The following DNAH10 variants were observed in gnomAD, a reference collection of about 807,000 sequenced individuals.
The protein encoded by DNAH10 is dynein axonemal heavy chain 10, also known as axonemal beta dynein heavy chain 10.
A neutral mutation model predicts 506.6 loss-of-function variants in DNAH10; 348 were observed. The observed-to-expected ratio is 0.69, with a 90% CI of 0.63 to 0.75. The LOEUF (loss-of-function observed/expected upper bound fraction) is 0.75. Among genes scored for constraint, DNAH10 ranks in the 30% least tolerant of loss-of-function variants. The pLI is 0.00. For synonymous variants in DNAH10, 2,059 were observed against 2,198.6 expected (o/e 0.94, Z 1.78); for missense variants, 5,179 against 5,787.1 (o/e 0.89, Z 3.41).
rs778771298 is a variant in DNAH10 at position 123,790,057 on chromosome 12, C to T, written c.1751C>T (p.Pro584Leu). The change falls in exon 11 of 79, where the codon CCC (proline) becomes CTC (leucine). Residue 584 changes from proline to leucine, a missense_variant. Pro to Leu is a moderately conservative substitution (Grantham distance 98). Around this residue, in one of 3 missense-constraint regions of DNAH10, gnomAD observed 4,844 missense variants for 5,430.5 expected, o/e 0.89. Transcript: ENST00000673944. ...CCCATGGAAAACCTGACCTTTGACC[C>T]CTTCAGCATCAAGTCCTCCCAGTTC... ...VTPMENLTFD[P>L]FSIKSSQFWK... 40 of 1,613,996 alleles carry T rather than the reference C, an allele frequency of 2.5e-5. No individual in the cohort carries two copies. Among genetic ancestry groups the T allele is most frequent in the Admixed American group, 1.0e-4 (6 of 60,004 alleles).
At chr12:123,888,920 C>T (rs1952856233) in intron 52 of DNAH10, among the ~76,000 whole-genome samples, 1 of 152,188 alleles carries the variant, frequency 6.6e-6, no homozygotes, top group Non-Finnish European at 1.5e-5. Flanking sequence ...CTTTCTTTCC[C>T]AGGGACCTAT....
chr12:123,904,430 T>A (rs1327954667), intron 57 of DNAH10, among the ~76,000 whole-genome samples: 1 of 152,014 alleles, frequency 6.6e-6, no homozygotes, highest in African/African-American at 2.4e-5. Flanking sequence ...CATAAAAACA[T>A]CGTGAAAGCA....
At chr12:123,844,702 G>A (rs60383738) in intron 30 of DNAH10, among the ~76,000 whole-genome samples, 13,506 of 152,078 alleles carry the variant, frequency 0.089, 1,714 homozygotes, top group African/African-American at 0.28. Flanking sequence ...ACAGTGATGC[G>A]AGCTCGGCTC....
At chr12:123,771,555 C>G in intron 2 of DNAH10, 46 bp from the exon 3 acceptor site, 1 of 1,545,352 alleles carries the variant, frequency 6.5e-7, no homozygotes, top group Non-Finnish European at 8.9e-7. Context: ...TGGTAGGAAA[C>G]CTAATTTTCT....
rs760229533 is a variant in DNAH10, at chr12:123,787,815, C to G, written c.1433C>G (p.Ala478Gly). 2 of 1,613,746 alleles carry G rather than the reference C, an allele frequency of 1.2e-6. No homozygotes were observed. Among genetic ancestry groups the G allele is most frequent in the Admixed American group, 1.7e-5 (1 of 59,946 alleles). ...TCTTGGCTTCGCAGAGAAAATCGAG[C>G]GAGTGCCCAAAGCAAAACCTTGGAA... ...NLRTLFKENRASAQSKTLEAR... is the reference protein window; with the variant it reads ...NLRTLFKENRGSAQSKTLEAR... Residue 478 changes from alanine (A) to glycine (G), a missense_variant, in exon 10 of 79, where the codon GCG becomes GGG. Physicochemically the swap from Ala to Gly is moderately conservative, Grantham distance 60. This residue lies in a region of DNAH10 where 4,844 missense variants were observed against 5,430.5 expected (regional missense o/e 0.89). Coordinates refer to ENST00000673944, the MANE Select transcript of DNAH10 (RefSeq NM_001372106.1). This position sits in a 1 kb window ranked among gnomAD's most constrained non-coding sequence, Gnocchi z 4.6.
At chr12:123,855,369 C>T (rs1951343131) in intron 36 of DNAH10, among the ~76,000 whole-genome samples, 1 of 152,104 alleles carries the variant, frequency 6.6e-6, no homozygotes, top group African/African-American at 2.4e-5. Flanking sequence ...GCCTGTAATC[C>T]TAGCACTTTC....
intron 42 of DNAH10, 48 bp from the exon 43 acceptor site, chr12:123,867,855 G>A (rs2136937843): frequency 1.3e-6 from 2 of 1,565,102 alleles, no homozygotes; most frequent in East Asian, 4.6e-5. Flanking sequence ...AATGGACTCT[G>A]TGGGGGTGGA....
At chr12:123,843,130 G>C (rs2136631751) in intron 30 of DNAH10, among the ~76,000 whole-genome samples, 1 of 152,364 alleles carries the variant, frequency 6.6e-6, no homozygotes, top group Non-Finnish European at 1.5e-5. Flanking sequence ...AAGAGAGTAA[G>C]GGAATGCAGC....
chr12:123,865,679 A>G (rs1951777271), intron 40 of DNAH10, among the ~76,000 whole-genome samples: 1 of 152,192 alleles, frequency 6.6e-6, no homozygotes, highest in Admixed American at 6.5e-5. Flanking sequence ...TTTCTTCTTT[A>G]TATTTTTCTA....
In DNAH10 at chr12:123,934,532, G is replaced by A. The variant is rs747552530; in HGVS notation, c.13478-89G>A. On this transcript the variant is annotated intron_variant, in intron 77 of 78. Transcript: ENST00000673944. ...TGGGGAGGAGGCCAGCCAGTGGCCT[G>A]TGTGTCGCTGTGTGTGCGCCTGATA... 1.4e-5 allele frequency: 22 copies of A among 1,525,312 alleles called. No individual in the cohort carries two copies. In the South Asian group the frequency reaches 2.3e-4, roughly 16 times the overall value. 94.5% of individuals were successfully genotyped at this position (1,525,312 alleles called of 1,614,324 possible).
At chr12:123,881,092 G>A (rs1297252544) in intron 50 of DNAH10, among the ~76,000 whole-genome samples, 2 of 152,026 alleles carry the variant, frequency 1.3e-5, no homozygotes, top group African/African-American at 4.8e-5. Flanking sequence ...GCTATTGTGA[G>A]TAGTGCCGCA....
chr12:123,910,764 C>A, intron 59 of DNAH10, 92 bp downstream of exon 59: 1 of 1,488,482 alleles, frequency 6.7e-7, no homozygotes, highest in East Asian at 2.3e-5. Flanking sequence ...AAAAACTTCT[C>A]CCGAGGTTCT....
chr12:123,776,419 C>A (rs1396782117), intron 5 of DNAH10, among the ~76,000 whole-genome samples: 1 of 151,482 alleles, frequency 6.6e-6, no homozygotes, highest in Non-Finnish European at 1.5e-5. Flanking sequence ...ATAGCAAGGC[C>A]CCATCTCTAA....
Position 123,935,406 on chromosome 12 carries a change from A to G in DNAH10, c.13695A>G (p.Glu4565=). The change falls in exon 79 of 79, where the codon GAA becomes GAG. Residue 4565 remains glutamate (E), a synonymous_variant. Coordinates refer to ENST00000673944, the MANE Select transcript of DNAH10 (RefSeq NM_001372106.1). The part of the protein sequence containing the change: ...RNAMGVGLVF[E]ADLFTTRHIS... ...CCATGGGAGTCGGCTTGGTTTTTGA[A>G]GCTGATCTCTTTACCACGAGGCACA... is the stretch of plus-strand genomic sequence containing the variant. 1 of 1,611,804 alleles carries G rather than the reference A, an allele frequency of 6.2e-7. No individual in the cohort carries two copies. The highest frequency in any genetic ancestry group is 1.7e-5 in the Admixed American group (1 of 59,994).
intron 28 of DNAH10, among the ~76,000 whole-genome samples, chr12:123,837,430 A>G (rs1160557594): frequency 6.6e-6 from 1 of 152,036 alleles, no homozygotes. Context: ...AGCCAAGAAA[A>G]AAAAGAAAGG....
chr12:123,861,585 G>T (rs1951614670), intron 39 of DNAH10, among the ~76,000 whole-genome samples: 1 of 152,356 alleles, frequency 6.6e-6, no homozygotes, highest in South Asian at 2.1e-4. Context: ...GTGCAGGAAT[G>T]CCCTCCTGAG....
In DNAH10 at chr12:123,785,664, T is replaced by G; in HGVS notation, c.1231-82T>G. The G allele has an allele frequency of 8.5e-7, 1 of 1,182,718 alleles. No individual in the cohort carries two copies. The allele number at this position is 1,182,718 out of a possible 1,614,324, so 73.3% of individuals were successfully genotyped here. A position where few individuals can be genotyped will look rare whatever the true frequency, so the allele number is the denominator to read the frequency against. On this transcript the variant is annotated intron_variant, in intron 8 of 78. Coordinates refer to ENST00000673944, the MANE Select transcript of DNAH10 (RefSeq NM_001372106.1). The surrounding 1 kb of genome is among the most constrained non-coding windows in gnomAD (Gnocchi z 4.1). ...AAAAAAAAAAAAAAAAGAGTGAAAC[T>G]TCTTGCATGCTTACTGTTTTATGAA...
intron 44 of DNAH10, among the ~76,000 whole-genome samples, chr12:123,870,771 C>G (rs74959669): frequency 8.9e-4 from 136 of 152,320 alleles, no homozygotes; most frequent in African/African-American, 3.2e-3. Context: ...TTCGCCTCCC[C>G]TGGCCTTTCC....
intron 9 of DNAH10, among the ~76,000 whole-genome samples, chr12:123,786,220 A>G (rs1013203626): frequency 3.3e-5 from 5 of 152,064 alleles, no homozygotes; most frequent in Admixed American, 2.6e-4. Flanking sequence ...GGAAGTCTGA[A>G]GCATGAGAAT....
Sources: gnomAD v4.1 joint callset for allele counts (sites outside exome capture counted in the v4.1 genomes callset) on GRCh38, gnomAD v4.1.1 for gene constraint, gnomAD v4.1.1 regional missense constraint, Gnocchi (gnomAD v3.1) non-coding constraint, MANE v1.5 for transcripts, NCBI Gene and HGNC (gene_info 2026-07-23, HGNC 2026-07-21) for gene names.